CCDC178: variants seen among roughly 807,000 people sequenced by gnomAD.
CCDC178 encodes coiled-coil domain containing 178.
Under a neutral mutation model 117.4 loss-of-function variants are expected in CCDC178, and 126 were observed. The observed-to-expected ratio is 1.07, with a 90% confidence interval of 0.93 to 1.24. The LOEUF is 1.24. CCDC178 is among the 50% of genes most tolerant of loss of function. The pLI is 0.00. For missense variants in CCDC178, 1,030 were observed against 986.9 expected (o/e 1.04, Z -0.59); for synonymous variants, 283 against 313.4 (o/e 0.90, Z 1.02).
Position 33,373,310 on chromosome 18 carries a change from G to A in CCDC178, c.209-3121C>T, listed in dbSNP as rs562362109. On this transcript the variant is annotated intron_variant, in intron 5 of 22. Transcript: ENST00000383096. ...CTAACTTTAGTCAATGTGCAATGCC[G>A]CTGTTTGGTGTTCACTTACTGCCAT... Among the ~76,000 whole-genome samples the A allele has an allele frequency of 4.6e-5, 7 of 152,158 alleles. No individual in the cohort carries two copies. In the South Asian group the frequency reaches 1.0e-3, roughly 23 times the overall value.
In CCDC178 at chr18:33,223,178, T is replaced by C. The variant is rs767827190; in HGVS notation, c.1860A>G (p.Arg620=). 9.3e-6 allele frequency: 15 copies of C among 1,607,990 alleles called. No individual in the cohort carries two copies. The highest frequency in any genetic ancestry group is 3.3e-5 in the South Asian group (3 of 90,614). The change falls in exon 18 of 23, where the codon AGA becomes AGG. Residue 620 remains arginine, a synonymous_variant. Coordinates refer to ENST00000383096, the MANE Select transcript of CCDC178 (RefSeq NM_001105528.4). ...ATTTTTTCTTTACTTTTCCCACCTTTCTTCTAATAAGATCTTTCTGATCAA... is the reference window on the plus strand; with the variant it reads ...ATTTTTTCTTTACTTTTCCCACCTTCCTTCTAATAAGATCTTTCTGATCAA... The part of the protein sequence containing the change: ...NIIDQKDLIR[R]KVGKVKKKLR...
At chr18:33,040,272 T>TAC (rs1481573310) in intron 21 of CCDC178, among the ~76,000 whole-genome samples, 2 of 151,876 alleles carry the variant, frequency 1.3e-5, no homozygotes, top group East Asian at 3.9e-4. Flanking sequence ...TACATATGCA[T>TAC]ATATATAAAA....
intron 21 of CCDC178, among the ~76,000 whole-genome samples, chr18:32,979,456 G>A (rs546095808): frequency 6.6e-6 from 1 of 152,154 alleles, no homozygotes; most frequent in South Asian, 2.1e-4. Context: ...GCTGCGCCCG[G>A]TCCATTTTTA....
chr18:33,233,954 T>C (rs1290024296), intron 15 of CCDC178, among the ~76,000 whole-genome samples: 2 of 152,066 alleles, frequency 1.3e-5, no homozygotes, highest in Non-Finnish European at 2.9e-5. Flanking sequence ...TAAATGGAAA[T>C]ACTGAAAAGT....
At chr18:33,309,420 G>T (rs2062305174) in intron 11 of CCDC178, among the ~76,000 whole-genome samples, 1 of 151,972 alleles carries the variant, frequency 6.6e-6, no homozygotes, top group African/African-American at 2.4e-5. Flanking sequence ...ATTAAAAATT[G>T]AAAGAATTAA....
chr18:33,240,937 C>T (rs919328004), intron 15 of CCDC178, among the ~76,000 whole-genome samples: 7 of 151,584 alleles, frequency 4.6e-5, no homozygotes, highest in African/African-American at 1.5e-4. Flanking sequence ...AAAATAGAGG[C>T]AATAACTTAA....
At chr18:32,988,190 G>C (rs1028421748) in intron 21 of CCDC178, among the ~76,000 whole-genome samples, 1 of 151,896 alleles carries the variant, frequency 6.6e-6, no homozygotes, top group Admixed American at 6.6e-5. Flanking sequence ...CTAGCACTTT[G>C]GGAGACTGAG....
intron 21 of CCDC178, among the ~76,000 whole-genome samples, chr18:33,001,879 C>T (rs946674821): frequency 4.6e-5 from 7 of 151,996 alleles, no homozygotes; most frequent in South Asian, 2.1e-4. Context: ...ACAGTAGTAG[C>T]TATATTTATA....
chr18:33,393,392 A>G (rs1159744853), intron 4 of CCDC178, among the ~76,000 whole-genome samples: 1 of 152,152 alleles, frequency 6.6e-6, no homozygotes, highest in Non-Finnish European at 1.5e-5. Flanking sequence ...ATGGAAGAAA[A>G]TGCCACCTTA....
chr18:33,059,775 G>A (rs1051357725), intron 21 of CCDC178, among the ~76,000 whole-genome samples: 1 of 152,026 alleles, frequency 6.6e-6, no homozygotes, highest in African/African-American at 2.4e-5. Flanking sequence ...CAGGTCCATC[G>A]ATATATTTCT....
intron 20 of CCDC178, among the ~76,000 whole-genome samples, chr18:33,166,607 T>C (rs1209276404): frequency 2.0e-5 from 3 of 152,166 alleles, no homozygotes; most frequent in Non-Finnish European, 4.4e-5. Flanking sequence ...AAGGAGATAA[T>C]ACAAATCCAA....
At chr18:33,192,821 A>G (rs1392009973) in intron 20 of CCDC178, among the ~76,000 whole-genome samples, 1 of 151,056 alleles carries the variant, frequency 6.6e-6, no homozygotes, top group Admixed American at 6.6e-5. Flanking sequence ...GAATCTCTTG[A>G]ACCCGGGAGG....
chr18:32,988,748 A>C (rs1349122774), intron 21 of CCDC178, among the ~76,000 whole-genome samples: 2 of 152,016 alleles, frequency 1.3e-5, no homozygotes, highest in Admixed American at 6.6e-5. Flanking sequence ...GATTAACACA[A>C]TGAAATAGAA....
At chr18:33,279,716 A>T (rs200552077) in intron 12 of CCDC178, among the ~76,000 whole-genome samples, 5 of 152,222 alleles carry the variant, frequency 3.3e-5, no homozygotes, top group Admixed American at 3.3e-4. Context: ...TACAAGCTAC[A>T]GTAACCAAAA....
chr18:33,367,070 G>T (rs1035295026), intron 6 of CCDC178, among the ~76,000 whole-genome samples: 6 of 151,916 alleles, frequency 3.9e-5, no homozygotes, highest in African/African-American at 1.5e-4. Flanking sequence ...TTTTCTGCAG[G>T]TAATTATTCA....
In CCDC178 at chr18:33,119,498, T is replaced by C. The variant is rs560832115; in HGVS notation, c.2239-26588A>G. Among the ~76,000 whole-genome samples the C allele has an allele frequency of 5.2e-3, 791 of 151,920 alleles. 3 individuals are homozygous for C. Among genetic ancestry groups the C allele is most frequent in the Middle Eastern group, 0.014 (4 of 294 alleles). ...AACCACAGTGAGATACCATCTCACG[T>C]CAGTTACAATGGCGATCATTAAAAA... is the stretch of plus-strand genomic sequence containing the variant. On this transcript the variant is annotated intron_variant, in intron 20 of 22. Transcript: ENST00000383096.
intron 15 of CCDC178, among the ~76,000 whole-genome samples, chr18:33,234,320 C>T (rs922055336): frequency 3.3e-5 from 5 of 152,006 alleles, no homozygotes; most frequent in Non-Finnish European, 7.4e-5. Flanking sequence ...TTACACATTC[C>T]CAATATTATG....
chr18:33,077,408 A>G (rs1452319252), intron 21 of CCDC178, among the ~76,000 whole-genome samples: 1 of 152,208 alleles, frequency 6.6e-6, no homozygotes, highest in East Asian at 1.9e-4. Context: ...CAGGATCTTT[A>G]CTGAGGTAGC....
chr18:33,232,105 T>C (rs1237889705), intron 15 of CCDC178, among the ~76,000 whole-genome samples: 2 of 152,120 alleles, frequency 1.3e-5, no homozygotes, highest in Non-Finnish European at 2.9e-5. Flanking sequence ...TTTGAAGAGC[T>C]TGGAAGAAGC....
Sources: allele counts gnomAD v4.1 joint callset (sites outside exome capture counted in the v4.1 genomes callset), GRCh38; gene constraint gnomAD v4.1.1; transcripts MANE v1.5; gene names NCBI Gene and HGNC (gene_info 2026-07-23, HGNC 2026-07-21).